The following WNT10B variants were observed in gnomAD, a reference collection of about 807,000 sequenced individuals.
The protein encoded by WNT10B is Wnt family member 10B.
Under a neutral mutation model 32.7 loss-of-function variants are expected in WNT10B, and 26 were observed. The ratio of observed to expected loss-of-function variants is 0.79; its 90% CI spans 0.58 to 1.10. WNT10B has a LOEUF of 1.10. WNT10B is among the 50% of genes least tolerant of loss of function. The pLI is 0.00. For synonymous variants in WNT10B, 204 were observed against 220.4 expected (o/e 0.93, Z 0.66); for missense variants, 474 against 532.5 (o/e 0.89, Z 1.08).
At position 48,970,287 on chromosome 12, in the gene WNT10B, C is replaced by T; in HGVS notation, c.139G>A (p.Val47Met). 1.9e-6 allele frequency: 3 copies of T among 1,613,970 alleles called. No individual in the cohort carries two copies. Among genetic ancestry groups the T allele is most frequent in the Non-Finnish European group, 2.5e-6 (3 of 1,179,944 alleles). ...PGEPPLTANT[V>M]CLTLSGLSKR... ...CTCAGGCCGGACAGCGTCAAGCACACGGTGTTGGCCGTCAGCGGCGGCTCG... is the reference window on the plus strand; with the variant it reads ...CTCAGGCCGGACAGCGTCAAGCACATGGTGTTGGCCGTCAGCGGCGGCTCG... The change falls in exon 3 of 5, where the codon GTG becomes ATG. Residue 47 changes from valine (V) to methionine (M), a missense_variant. Transcript: ENST00000301061. This position sits in a 1 kb window ranked among gnomAD's most constrained non-coding sequence, Gnocchi z 5.0.
rs1249440316 is a variant in WNT10B at position 48,970,758 on chromosome 12, GA to G, written c.-40-190del. On this transcript the variant is annotated intron_variant, in intron 1 of 4. Coordinates refer to ENST00000301061, the MANE Select transcript of WNT10B (RefSeq NM_003394.4). This position sits in a 1 kb window ranked among gnomAD's most constrained non-coding sequence, Gnocchi z 5.0. ...CCTGAGGCTTGGAGGTCTTAAAGAA[GA>G]AGAGTCAAGGCGTTGTCCCAGCTCA... The G allele has an allele frequency of 3.3e-6, 2 of 603,754 alleles. No homozygotes were observed. Among genetic ancestry groups the G allele is most frequent in the African/African-American group, 3.7e-5 (2 of 54,022 alleles). 37.4% of individuals were successfully genotyped at this position (603,754 alleles called of 1,614,324 possible). A position where few individuals can be genotyped will look rare whatever the true frequency, so the allele number is the denominator to read the frequency against.
At position 48,970,075 on chromosome 12, in the gene WNT10B, C is replaced by G. The variant is rs1035491057; in HGVS notation, c.337+14G>C. 10 of 1,505,788 alleles carry G rather than the reference C, an allele frequency of 6.6e-6. No homozygotes were observed. The Admixed American group carries it at 1.0e-4, about 15-fold the overall frequency. 93.3% of individuals were successfully genotyped at this position (1,505,788 alleles called of 1,614,324 possible). On this transcript the variant is annotated intron_variant, in intron 3 of 4. Coordinates refer to ENST00000301061, the MANE Select transcript of WNT10B (RefSeq NM_003394.4). This position sits in a 1 kb window ranked among gnomAD's most constrained non-coding sequence, Gnocchi z 5.0. ...AGCCTCCGCGGCAGCGCCGACCCGC[C>G]CAGCCAGGCTCACCGCGCTTGAGGA...
At chr12:48,969,848 G>GC (rs1940812961) in intron 3 of WNT10B, among the ~76,000 whole-genome samples, 1 of 151,842 alleles carries the variant, frequency 6.6e-6, no homozygotes, top group Non-Finnish European at 1.5e-5. Context: ...GGAAAGGGGG[G>GC]CCCTAGGGTA....
Position 48,969,071 on chromosome 12 carries a change from G to A in WNT10B, c.338-752C>T, listed in dbSNP as rs909329373. 1.1e-5 allele frequency: 5 copies of A among 470,860 alleles called. No individual in the cohort carries two copies. In the Admixed American group the frequency reaches 1.2e-4, roughly 11 times the overall value. The allele number at this position is 470,860 out of a possible 1,614,324, so 29.2% of individuals were successfully genotyped here. A position where few individuals can be genotyped will look rare whatever the true frequency, so the allele number is the denominator to read the frequency against. On this transcript the variant is annotated intron_variant, in intron 3 of 4. Coordinates refer to ENST00000301061, the MANE Select transcript of WNT10B (RefSeq NM_003394.4). ...TGTTTTGGGGGTCACAGAAGCTCAG[G>A]CTGCCAAGCCTTTCCCAGACTTAAA...
At position 48,966,295 on chromosome 12, in the gene WNT10B, T is replaced by A; in HGVS notation, c.970A>T (p.Met324Leu). 3 of 1,614,084 alleles carry A rather than the reference T, an allele frequency of 1.9e-6. No individual in the cohort carries two copies. Among genetic ancestry groups the A allele is most frequent in the Non-Finnish European group, 2.5e-6 (3 of 1,180,010 alleles). Residue 324 changes from methionine (M) to leucine (L), a missense_variant, in exon 5 of 5, where the codon ATG becomes TTG. Coordinates refer to ENST00000301061, the MANE Select transcript of WNT10B (RefSeq NM_003394.4). The stretch of plus-strand genomic sequence containing the variant: ...CGGCCCCTTGTCCCTGGGGAGCCCA[T>A]AGTGGGGTCTCGCTCACAGAAGTCA... ...SPDFCERDPTMGSPGTRGRAC... is the reference protein window; with the variant it reads ...SPDFCERDPTLGSPGTRGRAC...
At position 48,970,257 on chromosome 12, in the gene WNT10B, G is replaced by A. The variant is rs757081809; in HGVS notation, c.169C>T (p.Arg57Trp). The change falls in exon 3 of 5, where the codon CGG becomes TGG. Residue 57 changes from arginine (R) to tryptophan (W), a missense_variant. Arg to Trp is a moderately radical substitution (Grantham distance 101, BLOSUM62 -3). Transcript: ENST00000301061. The surrounding 1 kb of genome is among the most constrained non-coding windows in gnomAD (Gnocchi z 5.0). Reference sequence around the variant, plus strand: ...TTGCGCAGGCACAGGCCTAGCTGCCGCTTGCTCAGGCCGGACAGCGTCAAG... The same window carrying A: ...TTGCGCAGGCACAGGCCTAGCTGCCACTTGCTCAGGCCGGACAGCGTCAAG... ...VCLTLSGLSK[R>W]QLGLCLRNPD... 5.6e-6 allele frequency: 9 copies of A among 1,612,870 alleles called. No individual in the cohort carries two copies. The South Asian group carries it at 9.9e-5, about 18-fold the overall frequency.
chr12:48,968,640 G>T (rs1295457582), intron 3 of WNT10B, among the ~76,000 whole-genome samples: 1 of 152,192 alleles, frequency 6.6e-6, no homozygotes, highest in African/African-American at 2.4e-5. Flanking sequence ...GACCCCTGGA[G>T]TCGGGAGATG....
At position 48,966,115 on chromosome 12, in the gene WNT10B, A is replaced by G; in HGVS notation, c.1150T>C (p.Trp384Arg). The G allele has an allele frequency of 1.9e-6, 3 of 1,613,580 alleles. No individual in the cohort carries two copies. Among genetic ancestry groups the G allele is most frequent in the South Asian group, 1.1e-5 (1 of 91,086 alleles). ...GACCCTCACTTACACACATTCACCC[A>G]CTCTGTAACCTTGCACTCATCACAC... Reference protein sequence around the residue: ...VLCDECKVTEWVNVCK With the variant: ...VLCDECKVTERVNVCK Residue 384 changes from tryptophan to arginine, a missense_variant, in exon 5 of 5, where the codon TGG becomes CGG. Coordinates refer to ENST00000301061, the MANE Select transcript of WNT10B (RefSeq NM_003394.4).
chr12:48,966,014 T>TGGAAGGAAATCAGAGCAAA lies in WNT10B; in HGVS notation c.*62_*80dup. 1 of 1,548,496 alleles carries TGGAAGGAAATCAGAGCAAA rather than the reference T, an allele frequency of 6.5e-7. No individual in the cohort carries two copies. The highest frequency in any genetic ancestry group is 8.8e-7 in the Non-Finnish European group (1 of 1,135,496). ...AGCTTCCAGGGACCAAGAGTGACCT[T>TGGAAGGAAATCAGAGCAAA]GGAAGGAAATCAGAGCAAAGGGCTG... On this transcript the variant is annotated 3_prime_UTR_variant, in exon 5 of 5. Coordinates refer to ENST00000301061, the MANE Select transcript of WNT10B (RefSeq NM_003394.4).
At chr12:48,966,660 G>A (rs1269606822) in intron 4 of WNT10B, 107 bp from the exon 5 acceptor site, 9 of 1,279,336 alleles carry the variant, frequency 7.0e-6, no homozygotes, top group Middle Eastern at 1.8e-4. Context: ...GACAAATGGA[G>A]GCAAGAATAA....
Position 48,966,532 on chromosome 12 carries a change from G to A in WNT10B, c.733C>T (p.Arg245Trp), listed in dbSNP as rs570055325. The A allele has an allele frequency of 9.9e-6, 16 of 1,613,652 alleles. No homozygotes were observed. The highest frequency in any genetic ancestry group is 2.2e-5 in the South Asian group (2 of 91,072). The stretch of plus-strand genomic sequence containing the variant: ...GATGTGCCATGACACTTGCATTTCC[G>A]CTTCAGGTTTTCAGTTACCACCTAG... Reference protein sequence around the residue: ...GRQVVTENLKRKCKCHGTSGS... With the variant: ...GRQVVTENLKWKCKCHGTSGS... Residue 245 changes from arginine to tryptophan, a missense_variant, in exon 5 of 5, where the codon CGG becomes TGG. Arg to Trp is a moderately radical substitution (Grantham distance 101). Coordinates refer to ENST00000301061, the MANE Select transcript of WNT10B (RefSeq NM_003394.4).
At position 48,970,399 on chromosome 12, in the gene WNT10B, C is replaced by T; in HGVS notation, c.75-48G>A. 2.5e-6 allele frequency: 4 copies of T among 1,614,030 alleles called. No individual in the cohort carries two copies. Among genetic ancestry groups the T allele is most frequent in the African/African-American group, 2.7e-5 (2 of 75,056 alleles). On this transcript the variant is annotated intron_variant, in intron 2 of 4. Transcript: ENST00000301061. This position sits in a 1 kb window ranked among gnomAD's most constrained non-coding sequence, Gnocchi z 5.0. Reference sequence around the variant, plus strand: ...GGGTCTGCGGTCCAGACCCCTCCAACTCTCCCCACCCCGGGTCGGTGTTTC... The same window carrying T: ...GGGTCTGCGGTCCAGACCCCTCCAATTCTCCCCACCCCGGGTCGGTGTTTC...
chr12:48,966,456 GCCCGGAA>G lies in WNT10B; in HGVS notation c.802_808del (p.Phe268GlnfsTer6). 1 of 1,614,068 alleles carries G rather than the reference GCCCGGAA, an allele frequency of 6.2e-7. No homozygotes were observed. On this transcript the variant is annotated frameshift_variant, in exon 5 of 5. Coordinates refer to ENST00000301061, the MANE Select transcript of WNT10B (RefSeq NM_003394.4). LOFTEE classifies it high-confidence loss of function. Reference sequence around the variant, plus strand: ...CCGCTCCCTCAACGCCGCCCCCACTGCCCGGAACTCTGGGGCCGCCCTCCAGCATGTC... The same window carrying G: ...CCGCTCCCTCAACGCCGCCCCCACTGCTCTGGGGCCGCCCTCCAGCATGTC...
rs763732402 is a variant in WNT10B at position 48,970,363 on chromosome 12, G to C, written c.75-12C>G. 6.2e-7 allele frequency: 1 copy of C among 1,614,132 alleles called. No homozygotes were observed. Among genetic ancestry groups the C allele is most frequent in the Non-Finnish European group, 8.5e-7 (1 of 1,179,984 alleles). The stretch of plus-strand genomic sequence containing the variant: ...CATTGCTTAGAGCCCTGGGAACCAA[G>C]AAGGCGTCTGGGGTCTGCGGTCCAG... On this transcript the variant is annotated splice_polypyrimidine_tract_variant and intron_variant, in intron 2 of 4. Coordinates refer to ENST00000301061, the MANE Select transcript of WNT10B (RefSeq NM_003394.4). The surrounding 1 kb of genome is among the most constrained non-coding windows in gnomAD (Gnocchi z 5.0).
Position 48,966,556 on chromosome 12 carries a change from A to G in WNT10B, c.712-3T>C. 6.2e-7 allele frequency: 1 copy of G among 1,612,858 alleles called. No homozygotes were observed. The highest frequency in any genetic ancestry group is 1.3e-5 in the African/African-American group (1 of 75,046). ...CGCTTCAGGTTTTCAGTTACCACCTAGAGCATCAGGGGGAAAAGAGGTGAA... is the reference window on the plus strand; with the variant it reads ...CGCTTCAGGTTTTCAGTTACCACCTGGAGCATCAGGGGGAAAAGAGGTGAA... On this transcript the variant is annotated splice_region_variant and splice_polypyrimidine_tract_variant and intron_variant, in intron 4 of 4. Transcript: ENST00000301061.
intron 4 of WNT10B, among the ~76,000 whole-genome samples, chr12:48,967,455 C>T (rs1227267277): frequency 2.0e-5 from 3 of 152,178 alleles, no homozygotes; most frequent in African/African-American, 4.8e-5. Context: ...TGAGCCACTG[C>T]ACCCGGCCTA....
chr12:48,968,424 A>AC (rs1940785449), intron 3 of WNT10B, 105 bp from the exon 4 acceptor site: 2 of 1,524,712 alleles, frequency 1.3e-6, no homozygotes, highest in East Asian at 4.8e-5. Context: ...GAAATTCCTA[A>AC]CTGAATCCTG....
Position 48,966,523 on chromosome 12 carries a change from TG to T in WNT10B, c.741del (p.Cys247Ter), listed in dbSNP as rs2137611223. On this transcript the variant is annotated frameshift_variant, in exon 5 of 5. Coordinates refer to ENST00000301061, the MANE Select transcript of WNT10B (RefSeq NM_003394.4). LOFTEE classifies it high-confidence loss of function. ...QVVTENLKRK[C>X]KCHGTSGSCQ... ...CAGCTGCCTGATGTGCCATGACACT[TG>T]CATTTCCGCTTCAGGTTTTCAGTTA... is the stretch of plus-strand genomic sequence containing the variant. 6.2e-7 allele frequency: 1 copy of T among 1,613,874 alleles called. No homozygotes were observed. The highest frequency in any genetic ancestry group is 8.5e-7 in the Non-Finnish European group (1 of 1,180,026).
At position 48,970,015 on chromosome 12, in the gene WNT10B, C is replaced by G; in HGVS notation, c.337+74G>C. 2 of 1,385,174 alleles carry G rather than the reference C, an allele frequency of 1.4e-6. No homozygotes were observed. Among genetic ancestry groups the G allele is most frequent in the Non-Finnish European group, 9.3e-7 (1 of 1,076,226 alleles). 85.8% of individuals were successfully genotyped at this position (1,385,174 alleles called of 1,614,324 possible). A position where few individuals can be genotyped will look rare whatever the true frequency, so the allele number is the denominator to read the frequency against. On this transcript the variant is annotated intron_variant, in intron 3 of 4. Transcript: ENST00000301061. The surrounding 1 kb of genome is among the most constrained non-coding windows in gnomAD (Gnocchi z 5.0). ...CCGGAGCCGCGAAACCATCCCTTCC[C>G]GCCTCCGCGCGCCTCGCCCTGCCGC... is the stretch of plus-strand genomic sequence containing the variant.
Sources: allele counts gnomAD v4.1 joint callset (sites outside exome capture counted in the v4.1 genomes callset), GRCh38; gene constraint gnomAD v4.1.1; non-coding constraint Gnocchi (gnomAD v3.1); transcripts MANE v1.5; gene names NCBI Gene and HGNC (gene_info 2026-07-23, HGNC 2026-07-21).